The following LAMA2 variants were observed in gnomAD, a reference collection of about 807,000 sequenced individuals.
The protein encoded by LAMA2 is laminin subunit alpha-2.
In LAMA2, 269 loss-of-function variants were observed where a neutral mutation model predicts 364.8. That is an observed-to-expected ratio of 0.74 (90% CI 0.67 to 0.82). The LOEUF is 0.82. LAMA2 is among the 40% of genes least tolerant of loss of function. LAMA2 has a pLI of 0.00. For synonymous variants in LAMA2, 1,379 were observed against 1,370.6 expected, an observed-to-expected ratio of 1.01 and a Z score of -0.14; for missense variants, 3,807 against 3,873.2, an observed-to-expected ratio of 0.98 and a Z score of 0.45.
chr6:129,004,195 T>C (rs1212798303), intron 1 of LAMA2, among the ~76,000 whole-genome samples: 1 of 39,454 alleles, frequency 2.5e-5, no homozygotes, highest in Non-Finnish European at 4.4e-5. Flanking sequence ...TAGGTGGGAA[T>C]TGAACAATGA....
intron 1 of LAMA2, among the ~76,000 whole-genome samples, chr6:128,909,219 T>C (rs368491112): frequency 6.6e-6 from 1 of 152,170 alleles, no homozygotes; most frequent in Non-Finnish European, 1.5e-5. Context: ...TTGATCTGTC[T>C]AGTGTTGACA....
chr6:129,491,407 A>G (rs1202214474), intron 56 of LAMA2, among the ~76,000 whole-genome samples: 1 of 152,236 alleles, frequency 6.6e-6, no homozygotes, highest in Non-Finnish European at 1.5e-5. Flanking sequence ...TGCCTCTTCT[A>G]TTCAAAAGCC....
At chr6:129,511,623 G>GTATT (rs1258462497) in intron 62 of LAMA2, among the ~76,000 whole-genome samples, 1 of 151,996 alleles carries the variant, frequency 6.6e-6, no homozygotes, top group Non-Finnish European at 1.5e-5. Context: ...ATTCCCCTGA[G>GTATT]TATTTCTCTG....
chr6:129,410,257 T>G (rs1780461691), intron 40 of LAMA2, among the ~76,000 whole-genome samples: 2 of 151,946 alleles, frequency 1.3e-5, no homozygotes, highest in African/African-American at 4.8e-5. Flanking sequence ...TCTAAGTCAG[T>G]GGAATAGTCT....
At chr6:128,968,023 A>G (rs532476786) in intron 1 of LAMA2, among the ~76,000 whole-genome samples, 1 of 152,302 alleles carries the variant, frequency 6.6e-6, no homozygotes, top group South Asian at 2.1e-4. Context: ...TTTGCATTAA[A>G]CAGACCAATC....
intron 7 of LAMA2, among the ~76,000 whole-genome samples, chr6:129,154,114 G>A (rs555450421): frequency 2.3e-4 from 35 of 152,202 alleles, no homozygotes; most frequent in African/African-American, 6.3e-4. Flanking sequence ...GTAATTTCCC[G>A]TATGGTATAA....
intron 1 of LAMA2, among the ~76,000 whole-genome samples, chr6:128,944,101 G>A (rs10223591): frequency 0.13 from 19,383 of 151,914 alleles, 1,551 homozygotes; most frequent in African/African-American, 0.23. Flanking sequence ...TTCATTAGCC[G>A]TTGGTACTGT....
In LAMA2 at chr6:129,260,775, G is replaced by A; in HGVS notation, c.2161G>A (p.Val721Ile). ...YPTDGSIAAA[V>I]EVCQCPPGYT... ...TACTGATGGAAGCATTGCAGCAGCT[G>A]TAGAAGTGTGTCAGTGCCCACCAGG... Residue 721 changes from valine to isoleucine, a missense_variant, in exon 15 of 65, where the codon GTA becomes ATA. Physicochemically the swap from Val to Ile is conservative, Grantham distance 29 (BLOSUM62 3). Transcript: ENST00000421865. 1 of 1,612,780 alleles carries A rather than the reference G, an allele frequency of 6.2e-7. No homozygotes were observed. Among genetic ancestry groups the A allele is most frequent in the Non-Finnish European group, 8.5e-7 (1 of 1,178,940 alleles).
At chr6:129,237,190 G>A (rs2115145668) in intron 12 of LAMA2, among the ~76,000 whole-genome samples, 1 of 152,282 alleles carries the variant, frequency 6.6e-6, no homozygotes, top group Admixed American at 6.5e-5. Context: ...ATTGTAGAGT[G>A]CTTAGCACTT....
chr6:128,946,768 G>C (rs74765611), intron 1 of LAMA2, among the ~76,000 whole-genome samples: 1 of 152,044 alleles, frequency 6.6e-6, no homozygotes, highest in African/African-American at 2.4e-5. Context: ...ATAAACCAGC[G>C]CCCAGTTGGA....
At chr6:128,905,278 A>G (rs1158760558) in intron 1 of LAMA2, 1 of 152,180 alleles carries the variant, frequency 6.6e-6, no homozygotes, top group Non-Finnish European at 1.5e-5. Context: ...CATTTAGATT[A>G]GTCTTATTTA....
chr6:129,300,633 T>A, intron 21 of LAMA2, 103 bp from the exon 22 acceptor site: 1 of 1,220,066 alleles, frequency 8.2e-7, no homozygotes, highest in Non-Finnish European at 1.2e-6. Flanking sequence ...AGTGTAGAAC[T>A]GAAAAGAAAA....
At chr6:129,429,462 T>C (rs190725225) in intron 41 of LAMA2, among the ~76,000 whole-genome samples, 2 of 152,342 alleles carry the variant, frequency 1.3e-5, no homozygotes, top group Non-Finnish European at 2.9e-5. Context: ...TTTAAAATCA[T>C]TTATATTTGG....
intron 40 of LAMA2, among the ~76,000 whole-genome samples, chr6:129,426,818 T>G (rs1321817545): frequency 6.6e-6 from 1 of 152,216 alleles, no homozygotes; most frequent in African/African-American, 2.4e-5. Context: ...ATAATGTGAC[T>G]GATAAAAATA....
At chr6:129,065,745 T>C (rs1419190907) in intron 3 of LAMA2, among the ~76,000 whole-genome samples, 1 of 152,200 alleles carries the variant, frequency 6.6e-6, no homozygotes, top group Admixed American at 6.5e-5. Flanking sequence ...AATTTCATCT[T>C]GAATTGTACT....
chr6:129,356,130 G>C (rs1165975458), intron 32 of LAMA2, among the ~76,000 whole-genome samples: 2 of 152,010 alleles, frequency 1.3e-5, no homozygotes, highest in East Asian at 3.9e-4. Flanking sequence ...GATTTTACTG[G>C]ATCCAAAATG....
At chr6:129,190,084 T>A (rs1781441460) in intron 10 of LAMA2, 121 bp from the exon 11 acceptor site, 1 of 982,568 alleles carries the variant, frequency 1.0e-6, no homozygotes, top group African/African-American at 1.6e-5. Context: ...TCATTATACG[T>A]TAAATATAGT....
At chr6:129,194,849 G>A (rs1167394610) in intron 12 of LAMA2, among the ~76,000 whole-genome samples, 1 of 152,182 alleles carries the variant, frequency 6.6e-6, no homozygotes, top group South Asian at 2.1e-4. Context: ...ATGATGACAT[G>A]CTTAGCTTGG....
intron 29 of LAMA2, among the ~76,000 whole-genome samples, chr6:129,333,366 G>A (rs903379198): frequency 1.6e-4 from 25 of 152,108 alleles, no homozygotes; most frequent in African/African-American, 6.0e-4. Context: ...TGATGCTGAT[G>A]GTTAGTATAA....
Sources: allele counts gnomAD v4.1 joint callset (sites outside exome capture counted in the v4.1 genomes callset), GRCh38; gene constraint gnomAD v4.1.1; transcripts MANE v1.5; gene names NCBI Gene and HGNC (gene_info 2026-07-23, HGNC 2026-07-21).